The following ZNF75D variants were observed in gnomAD, a reference collection of about 807,000 sequenced individuals.
ZNF75D encodes the protein zinc finger protein 75.
Under a neutral mutation model 33.3 loss-of-function variants are expected in ZNF75D, and 33 were observed. The ratio of observed to expected loss-of-function variants is 0.99; its 90% CI spans 0.75 to 1.32. The LOEUF (loss-of-function observed/expected upper bound fraction) is 1.32, where lower values mean the gene tolerates loss of function less well. ZNF75D is among the 40% of genes most tolerant of loss of function. The pLI is 0.00. For synonymous variants in ZNF75D, 113 were observed against 130.6 expected (o/e 0.87, Z 0.92); for missense variants, 338 against 367.5 (o/e 0.92, Z 0.66).
intron 1 of ZNF75D, among the ~76,000 whole-genome samples, chrX:135,325,445 G>A (rs1556436887): frequency 1.8e-5 from 2 of 111,232 alleles, no homozygotes; most frequent in Admixed American, 9.3e-5. Flanking sequence ...AGCTTGCAGG[G>A]AGGCGTGGAG....
chrX:135,291,381 C>A, intron 5 of ZNF75D, 91 bp downstream of exon 5: 1 of 1,075,892 alleles, frequency 9.3e-7, no homozygotes, highest in Non-Finnish European at 1.3e-6. Flanking sequence ...CTCAAAGCAC[C>A]TGCTGGACAC....
At position 135,293,878 on chromosome X, in the gene ZNF75D, A is replaced by T; in HGVS notation, c.263T>A (p.Ile88Asn). 8.3e-7 allele frequency: 1 copy of T among 1,211,463 alleles called. No homozygotes were observed. Among genetic ancestry groups the T allele is most frequent in the Non-Finnish European group, 1.1e-6 (1 of 895,178 alleles). The change falls in exon 3 of 7, where the codon ATC becomes AAC. Residue 88 changes from isoleucine to asparagine, a missense_variant. Physicochemically the swap from Ile to Asn is moderately radical, Grantham distance 149. Coordinates refer to ENST00000370766, the MANE Select transcript of ZNF75D (RefSeq NM_007131.5). ...LRPEIHSKEQ[I>N]LEMLVLEQFL... ...CTGCTCTAACACCAGCATTTCCAAG[A>T]TCTGCTCTTTTGAGTGGATCTCTGG...
intron 1 of ZNF75D, among the ~76,000 whole-genome samples, chrX:135,300,060 C>A: frequency 8.9e-6 from 1 of 112,046 alleles, no homozygotes; most frequent in Middle Eastern, 4.6e-3. Flanking sequence ...AATCTTATAT[C>A]TTTGTTCTCC....
intron 4 of ZNF75D, 117 bp from the exon 5 acceptor site, chrX:135,291,680 G>A: frequency 9.9e-7 from 1 of 1,007,004 alleles, no homozygotes; most frequent in Admixed American, 3.0e-5. Flanking sequence ...ACATTGACAA[G>A]TGTGTGTGTG....
chrX:135,323,055 T>C (rs1262923047), intron 1 of ZNF75D, among the ~76,000 whole-genome samples: 5 of 112,386 alleles, frequency 4.4e-5, no homozygotes, highest in East Asian at 2.8e-4. Flanking sequence ...AGCACCCTTT[T>C]GTTTTTCTGT....
intron 1 of ZNF75D, among the ~76,000 whole-genome samples, chrX:135,268,018 T>C (rs1470220950): frequency 9.2e-6 from 1 of 108,388 alleles, no homozygotes; most frequent in African/African-American, 3.4e-5. Flanking sequence ...CAAAAACATA[T>C]GATCCTTTTG....
intron 1 of ZNF75D, among the ~76,000 whole-genome samples, chrX:135,279,759 A>G (rs782814694): frequency 1.8e-5 from 2 of 112,079 alleles, no homozygotes; most frequent in Non-Finnish European, 3.8e-5. Context: ...CTAGTCATTC[A>G]GGAGCAGGTT....
intron 1 of ZNF75D, among the ~76,000 whole-genome samples, chrX:135,258,507 T>G (rs184214747): frequency 8.0e-5 from 9 of 111,812 alleles, no homozygotes; most frequent in African/African-American, 2.9e-4. Flanking sequence ...TGAGATGGTA[T>G]CTCATGGTGG....
At chrX:135,282,205 A>G (rs1281869327), downstream of ZNF75D, among the ~76,000 whole-genome samples, 1 of 112,045 alleles carries the variant, frequency 8.9e-6, no homozygotes, top group Admixed American at 9.4e-5. Flanking sequence ...GGAGGAATCT[A>G]GAGAGGCAGT....
chrX:135,287,635 T>A lies in ZNF75D; in HGVS notation c.1035A>T (p.Lys345Asn). 1 of 1,211,200 alleles carries A rather than the reference T, an allele frequency of 8.3e-7. No homozygotes were observed. Among genetic ancestry groups the A allele is most frequent in the Non-Finnish European group, 1.1e-6 (1 of 895,391 alleles). ...RKKRKKPATCKQELPKLMDLH... is the reference protein window; with the variant it reads ...RKKRKKPATCNQELPKLMDLH... ...GATCCATAAGTTTTGGAAGCTCTTGTTTACAAGTTGCAGGTTTCTTTCTTT... is the reference window on the plus strand; with the variant it reads ...GATCCATAAGTTTTGGAAGCTCTTGATTACAAGTTGCAGGTTTCTTTCTTT... Residue 345 changes from lysine (K) to asparagine (N), a missense_variant, in exon 7 of 7, where the codon AAA becomes AAT. Coordinates refer to ENST00000370766, the MANE Select transcript of ZNF75D (RefSeq NM_007131.5).
intron 1 of ZNF75D, among the ~76,000 whole-genome samples, chrX:135,267,141 T>C (rs1209427583): frequency 1.8e-5 from 2 of 111,599 alleles, no homozygotes; most frequent in Non-Finnish European, 3.8e-5. Flanking sequence ...TTTATAGCTA[T>C]AAGTGCCTAT....
Position 135,316,366 on chromosome X carries a change from G to C in ZNF75D, c.-390-20327C>G, listed in dbSNP as rs1556431689. On this transcript the variant is annotated intron_variant, in intron 1 of 6. Coordinates refer to ENST00000370766, the MANE Select transcript of ZNF75D (RefSeq NM_007131.5). The stretch of plus-strand genomic sequence containing the variant: ...ATTCTCTCTGGCCTATAATATATCT[G>C]TGGGGAAATCTGCTGTTAGTCTCAT... Among the ~76,000 whole-genome samples, 3 of 111,625 alleles carry C rather than the reference G, an allele frequency of 2.7e-5. No homozygotes were observed. The East Asian group carries it at 8.4e-4, about 31-fold the overall frequency.
At chrX:135,318,343 C>T (rs1385666886) in intron 1 of ZNF75D, among the ~76,000 whole-genome samples, 1 of 110,137 alleles carries the variant, frequency 9.1e-6, no homozygotes, top group Non-Finnish European at 1.9e-5. Flanking sequence ...CATTTACCAA[C>T]TTTCCTCTTC....
intron 1 of ZNF75D, among the ~76,000 whole-genome samples, chrX:135,314,160 C>G (rs1381580831): frequency 8.9e-6 from 1 of 111,801 alleles, no homozygotes; most frequent in East Asian, 2.8e-4. Flanking sequence ...TTGAGATATG[C>G]TCCCTCCATG....
At position 135,333,938 on chromosome X, in the gene ZNF75D, C is replaced by T. The variant is rs2084680535; in HGVS notation, c.-391+7830G>A. ...TCCCCTCAGTTCCAGAAATAATCAT[C>T]TTTTCATCGCTATGAAGCAGCAAAC... On this transcript the variant is annotated intron_variant, in intron 1 of 6. Transcript: ENST00000370766. 5.4e-5 allele frequency among the ~76,000 whole-genome samples: 6 copies of T among 111,911 alleles called. No homozygotes were observed. The South Asian group carries it at 2.2e-3, about 42-fold the overall frequency.
At position 135,259,867 on chromosome X, in the gene ZNF75D, G is replaced by A. The variant is rs191986643; in HGVS notation, n.828-4090C>T. Among the ~76,000 whole-genome samples, 259 of 111,954 alleles carry A rather than the reference G, an allele frequency of 2.3e-3. 1 individual carries two copies. Among genetic ancestry groups the A allele is most frequent in the African/African-American group, 7.5e-3 (231 of 30,803 alleles). On this transcript the variant is annotated intron_variant and non_coding_transcript_variant, in intron 1 of 3. Coordinates refer to the ZNF75D transcript ENST00000494295. ...TGGTGAGAAAGGGCATACTTGTCTT[G>A]TGCCGGTTTTCAAAGGGAATGCTTC...
chrX:135,314,195 G>A (rs532039044), intron 1 of ZNF75D, among the ~76,000 whole-genome samples: 82 of 111,730 alleles, frequency 7.3e-4, no homozygotes, highest in Middle Eastern at 9.3e-3. Context: ...AGTTTTTATC[G>A]TAAAGGGATG....
chrX:135,331,032 T>C (rs2084645278), intron 1 of ZNF75D, among the ~76,000 whole-genome samples: 1 of 112,056 alleles, frequency 8.9e-6, no homozygotes, highest in African/African-American at 3.2e-5. Context: ...TAAAACCTAA[T>C]TGCTTACCCA....
At chrX:135,314,130 C>T (rs2084391556) in intron 1 of ZNF75D, among the ~76,000 whole-genome samples, 2 of 111,728 alleles carry the variant, frequency 1.8e-5, no homozygotes, top group Non-Finnish European at 1.9e-5. Flanking sequence ...GTGGTTTTGT[C>T]ATATATAGCG....
Sources: gnomAD v4.1 joint callset for allele counts (sites outside exome capture counted in the v4.1 genomes callset) on GRCh38, gnomAD v4.1.1 for gene constraint, MANE v1.5 for transcripts, NCBI Gene and HGNC (gene_info 2026-07-23, HGNC 2026-07-21) for gene names.